Variants in SKIL observed in about 807,000 individuals in gnomAD.
The protein encoded by SKIL is ski-like protein.
Under a neutral mutation model 69.6 loss-of-function variants are expected in SKIL, and 20 were observed. The observed-to-expected ratio is 0.29, with a 90% CI of 0.20 to 0.42. The LOEUF is 0.42. Ranked by LOEUF, SKIL falls within the 10% of genes least tolerant of loss-of-function variation. SKIL has a pLI of 1.00. For synonymous variants in SKIL, 310 were observed against 279.9 expected (o/e 1.11, Z -1.08); for missense variants, 745 against 783.1 (o/e 0.95, Z 0.58).
chr3:170,390,863 T>C (rs1174801492), intron 5 of SKIL, among the ~76,000 whole-genome samples, 173 bp from the exon 6 acceptor site: 2 of 152,262 alleles, frequency 1.3e-5, no homozygotes, highest in Non-Finnish European at 2.9e-5. Context: ...AAAAGCAATT[T>C]TAATATATTT....
chr3:170,390,580 A>C, intron 5 of SKIL, 116 bp downstream of exon 5: 1 of 752,976 alleles, frequency 1.3e-6, no homozygotes. Context: ...TCCACCTCAC[A>C]GGTTCAAGCA....
intron 5 of SKIL, 58 bp from the exon 6 acceptor site, chr3:170,390,978 A>T: frequency 1.0e-6 from 1 of 961,280 alleles, no homozygotes; most frequent in South Asian, 1.5e-5. Context: ...TCCAGAACTG[A>T]AAATTTTAAC....
rs760596725 is a variant in SKIL, at chr3:170,391,215, T to C, written c.1851T>C (p.Cys617=). The C allele has an allele frequency of 1.9e-6, 3 of 1,612,216 alleles. No individual in the cohort carries two copies. The highest frequency in any genetic ancestry group is 2.5e-6 in the Non-Finnish European group (3 of 1,178,804). ...AGATAATGAAGCAAAAATGTACCTG[T>C]GACTCAAATTTAGAAAAAGACAAAG... The part of the protein sequence containing the change: ...LEQIMKQKCT[C]DSNLEKDKEA... The change falls in exon 6 of 7, where the codon TGT becomes TGC. Residue 617 remains cysteine, a synonymous_variant. Coordinates refer to ENST00000259119, the MANE Select transcript of SKIL (RefSeq NM_005414.5).
intron 3 of SKIL, 115 bp downstream of exon 3, chr3:170,381,456 A>T: frequency 3.2e-6 from 2 of 621,980 alleles, no homozygotes; most frequent in Non-Finnish European, 5.9e-6. Context: ...TTTTGGTGGC[A>T]GAGTCTTGCT....
At chr3:170,375,145 G>C (rs1042448732) in intron 2 of SKIL, among the ~76,000 whole-genome samples, 11 of 152,182 alleles carry the variant, frequency 7.2e-5, no homozygotes, top group African/African-American at 2.7e-4. Context: ...CACTTAACAG[G>C]GATTTTAAAT....
At chr3:170,362,373 C>G (rs552135406) in intron 2 of SKIL, among the ~76,000 whole-genome samples, 2 of 150,876 alleles carry the variant, frequency 1.3e-5, no homozygotes, top group African/African-American at 4.9e-5. Flanking sequence ...TGTGGTGTCG[C>G]ACACTTGTAA....
chr3:170,369,256 T>C (rs1167709377), intron 2 of SKIL, among the ~76,000 whole-genome samples: 1 of 152,004 alleles, frequency 6.6e-6, no homozygotes, highest in African/African-American at 2.4e-5. Flanking sequence ...GGAAAAAACT[T>C]AGAAACTTTA....
chr3:170,387,914 A>T (rs1286559970), intron 4 of SKIL, among the ~76,000 whole-genome samples: 1 of 131,732 alleles, frequency 7.6e-6, no homozygotes, highest in Non-Finnish European at 1.6e-5. Flanking sequence ...AGCCTGGGCG[A>T]CAGAGCGAGA....
chr3:170,364,311 CTTTTTTTTTTTTTTTT>C (rs34818157), intron 2 of SKIL, among the ~76,000 whole-genome samples: 3 of 59,990 alleles, frequency 5.0e-5, no homozygotes, highest in Admixed American at 4.8e-4. Context: ...TTGCTCCCGT[CTTTTTTTTTTTTTTTT>C]TTTTTTTTTT....
intron 2 of SKIL, among the ~76,000 whole-genome samples, chr3:170,373,206 G>A (rs537928397): frequency 4.6e-5 from 7 of 152,006 alleles, no homozygotes; most frequent in South Asian, 2.1e-4. Flanking sequence ...TTGCTATGTC[G>A]CCCAGGCTGG....
At chr3:170,365,265 C>T (rs564001707) in intron 2 of SKIL, among the ~76,000 whole-genome samples, 3 of 152,304 alleles carry the variant, frequency 2.0e-5, no homozygotes, top group South Asian at 2.1e-4. Flanking sequence ...TAATTTTTCA[C>T]TATTTGCCCC....
intron 2 of SKIL, 33 bp from the exon 3 acceptor site, chr3:170,381,211 C>T: frequency 8.5e-7 from 1 of 1,170,268 alleles, no homozygotes; most frequent in Non-Finnish European, 1.3e-6. Flanking sequence ...AGTTTTACTT[C>T]AATAAATGTT....
intron 2 of SKIL, among the ~76,000 whole-genome samples, chr3:170,371,731 C>G (rs1248479577): frequency 6.6e-6 from 1 of 152,150 alleles, no homozygotes. Flanking sequence ...TCTAAATGCA[C>G]TGGAGAGAAG....
intron 2 of SKIL, among the ~76,000 whole-genome samples, chr3:170,366,097 G>A (rs1240842965): frequency 1.4e-5 from 2 of 143,520 alleles, no homozygotes; most frequent in Non-Finnish European, 1.5e-5. Context: ...ATATATTAAC[G>A]TGTTATGTAA....
chr3:170,389,399 C>G (rs1321528315), intron 4 of SKIL, among the ~76,000 whole-genome samples: 1 of 151,118 alleles, frequency 6.6e-6, no homozygotes, highest in African/African-American at 2.4e-5. Context: ...CTGCAAGCTC[C>G]GCCTCCCAGG....
intron 5 of SKIL, 41 bp downstream of exon 5, chr3:170,390,505 A>T (rs777035547): frequency 1.3e-6 from 2 of 1,537,364 alleles, no homozygotes; most frequent in Non-Finnish European, 1.8e-6. Context: ...ATGAAAAGAT[A>T]CTTTTGTATA....
rs765721323 is a variant in SKIL at position 170,379,639 on chromosome 3, T to A, written c.1099-1605T>A. Among the ~76,000 whole-genome samples the A allele has an allele frequency of 1.7e-4, 26 of 152,272 alleles. No individual in the cohort carries two copies. The South Asian group carries it at 2.3e-3, about 13-fold the overall frequency. ...TTATTCTTTTTTTCTCTTCAATTTCTTTTTTTGTTTTGTTTTGTTTTTTGA... is the reference window on the plus strand; with the variant it reads ...TTATTCTTTTTTTCTCTTCAATTTCATTTTTTGTTTTGTTTTGTTTTTTGA... On this transcript the variant is annotated intron_variant, in intron 2 of 6. Transcript: ENST00000259119.
chr3:170,387,016 C>A (rs998248262), intron 4 of SKIL, among the ~76,000 whole-genome samples: 1 of 151,866 alleles, frequency 6.6e-6, no homozygotes, highest in African/African-American at 2.4e-5. Flanking sequence ...ATAATGTTTT[C>A]TTTTCTTTCT....
intron 4 of SKIL, 123 bp from the exon 5 acceptor site, chr3:170,390,100 T>TTTTATTTCCTA: frequency 1.4e-6 from 1 of 698,866 alleles, no homozygotes. Flanking sequence ...TTTATTCCTA[T>TTTTATTTCCTA]TTTATTTGTT....
Sources: gnomAD v4.1 joint callset for allele counts (sites outside exome capture counted in the v4.1 genomes callset) on GRCh38, gnomAD v4.1.1 for gene constraint, MANE v1.5 for transcripts, NCBI Gene and HGNC (gene_info 2026-07-23, HGNC 2026-07-21) for gene names.